LGI3: variants seen among roughly 807,000 people sequenced by gnomAD.
LGI3 encodes the protein leucine-rich repeat LGI family member 3.
LGI3 carries 47 observed loss-of-function variants against 55.4 expected under a neutral mutation model. That is an observed-to-expected ratio of 0.85 (90% CI 0.67 to 1.08). The LOEUF is 1.08. Ranked by LOEUF, LGI3 falls within the 50% of genes least tolerant of loss-of-function variation. The pLI, the probability that LGI3 is intolerant of heterozygous loss-of-function variation, is 0.00. For synonymous variants in LGI3, 326 were observed against 315.0 expected, an observed-to-expected ratio of 1.04 and a Z score of -0.37; for missense variants, 664 against 726.3, an observed-to-expected ratio of 0.91 and a Z score of 0.99.
intron 7 of LGI3, among the ~76,000 whole-genome samples, chr8:22,151,033 CCTAG>C (rs1827370971): frequency 1.3e-5 from 2 of 152,100 alleles, no homozygotes; most frequent in South Asian, 4.2e-4. Context: ...CTTTTTTGCT[CCTAG>C]CTAAGTCTCC....
intron 7 of LGI3, 58 bp from the exon 8 acceptor site, chr8:22,149,035 A>AC: frequency 1.5e-6 from 2 of 1,307,468 alleles, no homozygotes; most frequent in South Asian, 1.4e-5. Context: ...ACTCCATCCA[A>AC]CCCCCTTGGA....
rs539465387 is a variant in LGI3, at chr8:22,155,234, C to T, written c.278+158G>A. 3.0e-4 allele frequency: 210 copies of T among 710,624 alleles called. 4 individuals are homozygous for T. In the South Asian group the frequency reaches 3.2e-3, roughly 11 times the overall value. The allele number at this position is 710,624 out of a possible 1,614,324, so 44.0% of individuals were successfully genotyped here. ...CGACTCCCCTGACTCAAGGCTGCCC[C>T]GTCTTTTGGGTACATCCTATCAGAA... On this transcript the variant is annotated intron_variant, in intron 2 of 7. Coordinates refer to ENST00000306317, the MANE Select transcript of LGI3 (RefSeq NM_139278.4).
chr8:22,154,477 A>G, intron 3 of LGI3, 83 bp downstream of exon 3: 3 of 1,224,032 alleles, frequency 2.5e-6, no homozygotes, highest in Non-Finnish European at 3.6e-6. Context: ...ATTCTCATCC[A>G]CTCCCTACCC....
chr8:22,152,032 G>A, intron 5 of LGI3, 32 bp from the exon 6 acceptor site: 1 of 1,550,016 alleles, frequency 6.5e-7, no homozygotes, highest in Non-Finnish European at 8.8e-7. Context: ...GGGGGGCACA[G>A]AGAAAGACAT....
chr8:22,151,795 G>C, intron 6 of LGI3, 36 bp downstream of exon 6: 1 of 1,585,702 alleles, frequency 6.3e-7, no homozygotes, highest in East Asian at 2.2e-5. Context: ...CTTGGGGTAG[G>C]CGTGGACTGA....
In LGI3 at chr8:22,156,430, G is replaced by T. The variant is rs200873593; in HGVS notation, c.113C>A (p.Pro38His). ...GGTGCAAGAGCAGCTGGGCGGGCAGGGGGGCGTCTTGGGGGGCCTCTTAGC... is the reference window on the plus strand; with the variant it reads ...GGTGCAAGAGCAGCTGGGCGGGCAGTGGGGCGTCTTGGGGGGCCTCTTAGC... ...VSAKRPPKTP[P>H]CPPSCSCTRD... Residue 38 changes from proline (P) to histidine (H), a missense_variant, in exon 1 of 8, where the codon CCC (proline) becomes CAC (histidine). Coordinates refer to ENST00000306317, the MANE Select transcript of LGI3 (RefSeq NM_139278.4). 1.3e-6 allele frequency: 2 copies of T among 1,582,370 alleles called. No individual in the cohort carries two copies. Among genetic ancestry groups the T allele is most frequent in the Admixed American group, 3.6e-5 (2 of 55,738 alleles).
At chr8:22,152,123 C>T (rs1827387732) in intron 5 of LGI3, 123 bp from the exon 6 acceptor site, 1 of 710,204 alleles carries the variant, frequency 1.4e-6, no homozygotes, top group Non-Finnish European at 2.3e-6. Context: ...TGCTCACATG[C>T]ATCTTTGTAA....
chr8:22,153,918 G>C lies in LGI3; in HGVS notation c.494+50C>G, dbSNP rs1827449587. 8 of 1,579,338 alleles carry C rather than the reference G, an allele frequency of 5.1e-6. No individual in the cohort carries two copies. In the African/African-American group the frequency reaches 8.1e-5, roughly 16 times the overall value. On this transcript the variant is annotated intron_variant, in intron 5 of 7. Coordinates refer to ENST00000306317, the MANE Select transcript of LGI3 (RefSeq NM_139278.4). ...TCTGACTCCCACACCACTCCCTCCAGGGATGCGCCCTCTGCGGCACTGTTG... is the reference window on the plus strand; with the variant it reads ...TCTGACTCCCACACCACTCCCTCCACGGATGCGCCCTCTGCGGCACTGTTG...
In LGI3 at chr8:22,154,543, C is replaced by G; in HGVS notation, c.350+17G>C. On this transcript the variant is annotated intron_variant, in intron 3 of 7. Coordinates refer to ENST00000306317, the MANE Select transcript of LGI3 (RefSeq NM_139278.4). ...CCTCCCTTCTGCTTTCCCATTGCCC[C>G]TTTCCCTCCCACACACAGATACTGC... 6.2e-7 allele frequency: 1 copy of G among 1,612,388 alleles called. No individual in the cohort carries two copies. The highest frequency in any genetic ancestry group is 8.5e-7 in the Non-Finnish European group (1 of 1,178,458).
intron 1 of LGI3, among the ~76,000 whole-genome samples, chr8:22,156,061 G>A (rs1463421664): frequency 6.6e-6 from 1 of 152,220 alleles, no homozygotes; most frequent in Non-Finnish European, 1.5e-5. Flanking sequence ...CCCAAGTCTG[G>A]AGCACAGCAC....
chr8:22,153,559 G>A (rs1442204017), intron 5 of LGI3, among the ~76,000 whole-genome samples: 3 of 151,730 alleles, frequency 2.0e-5, no homozygotes, highest in South Asian at 2.1e-4. Flanking sequence ...AAAATTAGCC[G>A]GGCGTGGTGG....
rs1328560473 is a variant in LGI3 at position 22,148,462 on chromosome 8, G to A, written c.1345C>T (p.Leu449=). 6.2e-7 allele frequency: 1 copy of A among 1,612,588 alleles called. No individual in the cohort carries two copies. Among genetic ancestry groups the A allele is most frequent in the East Asian group, 2.2e-5 (1 of 44,872 alleles). Residue 449 remains leucine, a synonymous_variant, in exon 8 of 8, where the codon CTG becomes TTG. Transcript: ENST00000306317. The surrounding 1 kb of genome is among the most constrained non-coding windows in gnomAD (Gnocchi z 7.0). ...GAGAAGCGGGTACCCTCCCAGCGCAGGATCTTGGAGTCGCCAATGTAGCGG... is the reference window on the plus strand; with the variant it reads ...GAGAAGCGGGTACCCTCCCAGCGCAAGATCTTGGAGTCGCCAATGTAGCGG... The part of the protein sequence containing the change: ...LSRYIGDSKI[L]RWEGTRFSEV...
intron 7 of LGI3, among the ~76,000 whole-genome samples, chr8:22,150,094 C>T (rs1827357880): frequency 6.6e-6 from 1 of 152,204 alleles, no homozygotes; most frequent in Admixed American, 6.5e-5. Flanking sequence ...CTCCTCCACT[C>T]ACCCTTCCCT....
At chr8:22,155,641 TC>T (rs1827481062) in intron 1 of LGI3, 178 bp from the exon 2 acceptor site, 1 of 624,184 alleles carries the variant, frequency 1.6e-6, no homozygotes, top group African/African-American at 1.8e-5. Flanking sequence ...CTGCCTGCCT[TC>T]ACCAGGGTCC....
chr8:22,148,485 C>T lies in LGI3; in HGVS notation c.1322G>A (p.Arg441His), dbSNP rs753254841. The T allele has an allele frequency of 4.1e-5, 66 of 1,612,874 alleles. No individual in the cohort carries two copies. The highest frequency in any genetic ancestry group is 5.3e-5 in the African/African-American group (4 of 75,022). ...CAGGATCTTGGAGTCGCCAATGTAG[C>T]GGCTGAGGCACAGGTAGCTGTCGCG... ...AGRDSYLCLS[R>H]YIGDSKILRW... The change falls in exon 8 of 8, where the codon CGC becomes CAC. Residue 441 changes from arginine (R) to histidine (H), a missense_variant. Arg to His is a conservative substitution (Grantham distance 29, BLOSUM62 0). Coordinates refer to ENST00000306317, the MANE Select transcript of LGI3 (RefSeq NM_139278.4). This position sits in a 1 kb window ranked among gnomAD's most constrained non-coding sequence, Gnocchi z 7.0.
rs1388628764 is a variant in LGI3, at chr8:22,156,445, G to A, written c.98C>T (p.Pro33Leu). ...CLMLQVSAKR[P>L]PKTPPCPPSC... ...GGGCGGGCAGGGGGGCGTCTTGGGG[G>A]GCCTCTTAGCGCTGACTTGCAGCAT... Residue 33 changes from proline to leucine, a missense_variant, in exon 1 of 8, where the codon CCC becomes CTC. Coordinates refer to ENST00000306317, the MANE Select transcript of LGI3 (RefSeq NM_139278.4). 14 of 1,561,958 alleles carry A rather than the reference G, an allele frequency of 9.0e-6. No individual in the cohort carries two copies. Among genetic ancestry groups the A allele is most frequent in the East Asian group, 4.7e-5 (2 of 42,480 alleles).
intron 3 of LGI3, 24 bp from the exon 4 acceptor site, chr8:22,154,237 C>G (rs1827456589): frequency 6.9e-6 from 11 of 1,599,198 alleles, no homozygotes; most frequent in Non-Finnish European, 9.4e-6. Context: ...GAACTTGCCT[C>G]AGTGCTCACA....
chr8:22,155,157 A>G (rs568164484), intron 2 of LGI3: 4 of 559,488 alleles, frequency 7.1e-6, no homozygotes, highest in East Asian at 6.1e-5. Context: ...CCATCCCCGC[A>G]TCCCACTTGC....
rs897400428 is a variant in LGI3 at position 22,149,051 on chromosome 8, C to T, written c.830-74G>A. 5.7e-6 allele frequency: 6 copies of T among 1,050,202 alleles called. No homozygotes were observed. The African/African-American group carries it at 8.0e-5, about 14-fold the overall frequency. 65.1% of individuals were successfully genotyped at this position (1,050,202 alleles called of 1,614,324 possible). A position where few individuals can be genotyped will look rare whatever the true frequency, so the allele number is the denominator to read the frequency against. On this transcript the variant is annotated intron_variant, in intron 7 of 7. Coordinates refer to ENST00000306317, the MANE Select transcript of LGI3 (RefSeq NM_139278.4). Reference sequence around the variant, plus strand: ...CTCCATCCAACCCCCTTGGAGAAGGCCAGTCCCTTCCAAACTTGGGCCAGG... The same window carrying T: ...CTCCATCCAACCCCCTTGGAGAAGGTCAGTCCCTTCCAAACTTGGGCCAGG...
Sources: gnomAD v4.1 joint callset for allele counts (sites outside exome capture counted in the v4.1 genomes callset) on GRCh38, gnomAD v4.1.1 for gene constraint, Gnocchi (gnomAD v3.1) non-coding constraint, MANE v1.5 for transcripts, NCBI Gene and HGNC (gene_info 2026-07-23, HGNC 2026-07-21) for gene names.